Variants in NRK observed in about 807,000 individuals in gnomAD.
NRK encodes nik-related protein kinase.
In NRK, 67 loss-of-function variants were observed where a neutral mutation model predicts 125.2. The observed-to-expected ratio is 0.54, with a 90% confidence interval of 0.44 to 0.66. The LOEUF is 0.66. Among genes scored for constraint, NRK ranks in the 30% least tolerant of loss-of-function variants. The pLI, the probability that NRK is intolerant of heterozygous loss-of-function variation, is 0.00. For synonymous variants in NRK, 458 were observed against 429.0 expected (o/e 1.07, Z -0.84); for missense variants, 1,224 against 1,192.9 (o/e 1.03, Z -0.38).
chrX:105,936,845 G>A (rs1317444445), intron 21 of NRK, among the ~76,000 whole-genome samples: 4 of 111,176 alleles, frequency 3.6e-5, no homozygotes, highest in Non-Finnish European at 5.7e-5. Context: ...TAGGCATTTG[G>A]CAACGGTAAA....
intron 2 of NRK, among the ~76,000 whole-genome samples, chrX:105,860,941 A>T (rs1032901562): frequency 3.6e-5 from 4 of 110,949 alleles, no homozygotes; most frequent in Non-Finnish European, 5.7e-5. Context: ...ATGACCATTC[A>T]TATACAAGTT....
At chrX:105,930,663 G>A (rs901535347) in intron 19 of NRK, among the ~76,000 whole-genome samples, 1 of 111,022 alleles carries the variant, frequency 9.0e-6, no homozygotes, top group African/African-American at 3.3e-5. Context: ...GTGTCCTTGT[G>A]TTGATATCTG....
chrX:105,857,251 A>G (rs1272439288), intron 2 of NRK, among the ~76,000 whole-genome samples: 1 of 111,735 alleles, frequency 8.9e-6, no homozygotes, highest in Non-Finnish European at 1.9e-5. Context: ...ATGGGCTATC[A>G]GTTAAGAAGC....
intron 2 of NRK, among the ~76,000 whole-genome samples, chrX:105,870,672 A>G (rs1356564760): frequency 9.0e-6 from 1 of 111,631 alleles, no homozygotes. Flanking sequence ...ATTTTGACCT[A>G]TTGTTTCCCT....
chrX:105,928,858 T>A lies in NRK; in HGVS notation c.3312+3827T>A, dbSNP rs113595067. Reference sequence around the variant, plus strand: ...GGTCATAAAGGATACTCAATAATAATGTTGATTTAGAAAAATGTTTTGAGA... The same window carrying A: ...GGTCATAAAGGATACTCAATAATAAAGTTGATTTAGAAAAATGTTTTGAGA... On this transcript the variant is annotated intron_variant, in intron 19 of 28. Transcript: ENST00000243300. 2.3e-3 allele frequency among the ~76,000 whole-genome samples: 253 copies of A among 112,089 alleles called. 1 individual carries two copies. The highest frequency in any genetic ancestry group is 7.8e-3 in the African/African-American group (243 of 30,996).
chrX:105,824,634 AT>A (rs1274060499), intron 1 of NRK, among the ~76,000 whole-genome samples: 25 of 101,308 alleles, frequency 2.5e-4, no homozygotes, highest in Admixed American at 2.4e-3. Context: ...AAAAAAAAAA[AT>A]GTGGGGAAAT....
At chrX:105,830,507 A>T (rs1029025556) in intron 1 of NRK, among the ~76,000 whole-genome samples, 4 of 110,013 alleles carry the variant, frequency 3.6e-5, no homozygotes, top group African/African-American at 1.3e-4. Context: ...CATACTGCTT[A>T]TTCTTTTTTA....
chrX:105,930,401 C>T (rs775913408), intron 19 of NRK, among the ~76,000 whole-genome samples: 2 of 109,584 alleles, frequency 1.8e-5, no homozygotes, highest in Non-Finnish European at 1.9e-5. Context: ...AATTCTTTAT[C>T]TTCAATATTT....
At chrX:105,828,109 C>T (rs2039139156) in intron 1 of NRK, among the ~76,000 whole-genome samples, 2 of 112,083 alleles carry the variant, frequency 1.8e-5, no homozygotes, top group African/African-American at 6.5e-5. Flanking sequence ...TAAGCATAGT[C>T]CTTCTCCTCT....
At position 105,923,480 on chromosome X, in the gene NRK, A is replaced by C; in HGVS notation, c.2973A>C (p.Pro991=). ...ATTATTATGAGGCGCCTAGTTGTCC[A>C]AGGTTGGTTTTTTTGAATTACTTAT... is the stretch of plus-strand genomic sequence containing the variant. ...NNNYYEAPSC[P]RASYGRDGSC... Residue 991 remains proline, a splice_region_variant and synonymous_variant, in exon 18 of 29, where the codon CCA becomes CCC. Transcript: ENST00000243300. The C allele has an allele frequency of 8.9e-7, 1 of 1,117,365 alleles. No individual in the cohort carries two copies. Among genetic ancestry groups the C allele is most frequent in the Non-Finnish European group, 1.2e-6 (1 of 845,450 alleles). 92.1% of individuals were successfully genotyped at this position (1,117,365 alleles called of 1,213,427 possible).
intron 2 of NRK, among the ~76,000 whole-genome samples, chrX:105,867,884 G>A (rs2039692508): frequency 1.8e-5 from 2 of 111,495 alleles, no homozygotes; most frequent in African/African-American, 3.3e-5. Flanking sequence ...TTGGTAGACT[G>A]CTGACCTGGA....
At chrX:105,846,676 ATC>A (rs2039406122) in intron 2 of NRK, among the ~76,000 whole-genome samples, 1 of 111,396 alleles carries the variant, frequency 9.0e-6, no homozygotes, top group Non-Finnish European at 1.9e-5. Flanking sequence ...CAACGTCACC[ATC>A]TCTCAGCCCT....
rs1282626474 is a variant in NRK, at chrX:105,920,198, A to G, written c.2513-1766A>G. Among the ~76,000 whole-genome samples, 15 of 104,124 alleles carry G rather than the reference A, an allele frequency of 1.4e-4. No individual in the cohort carries two copies. The Admixed American group carries it at 1.5e-3, about 10-fold the overall frequency. The allele number at this position is 104,124 out of a possible 115,157, so 90.4% of individuals were successfully genotyped here. A position where few individuals can be genotyped will look rare whatever the true frequency, so the allele number is the denominator to read the frequency against. ...TTCTCAGGTTTGTCAAAGATCAGAT[A>G]GTTGTAGACATGCGGCGTTATTTCT... is the stretch of plus-strand genomic sequence containing the variant. On this transcript the variant is annotated intron_variant, in intron 16 of 28. Transcript: ENST00000243300.
intron 23 of NRK, among the ~76,000 whole-genome samples, chrX:105,942,075 A>C (rs1455867518): frequency 8.9e-6 from 1 of 111,978 alleles, no homozygotes; most frequent in East Asian, 2.8e-4. Context: ...TTTACTTAGC[A>C]TAATATTTTC....
chrX:105,951,185 G>T (rs2040892888), intron 27 of NRK, among the ~76,000 whole-genome samples: 2 of 110,974 alleles, frequency 1.8e-5, no homozygotes, highest in South Asian at 7.5e-4. Context: ...AATGACTCAT[G>T]TTCTATCCTT....
At chrX:105,935,976 G>C (rs1269418359) in intron 21 of NRK, among the ~76,000 whole-genome samples, 1 of 109,960 alleles carries the variant, frequency 9.1e-6, no homozygotes, top group Non-Finnish European at 1.9e-5. Context: ...GAAATTTGTA[G>C]AGAAAGTTCC....
At chrX:105,922,885 T>G (rs934640102) in intron 17 of NRK, among the ~76,000 whole-genome samples, 5 of 111,379 alleles carry the variant, frequency 4.5e-5, no homozygotes, top group African/African-American at 1.6e-4. Flanking sequence ...TATGGGTATT[T>G]TTTTTAAGTG....
chrX:105,878,968 G>T (rs1205283475), intron 2 of NRK, among the ~76,000 whole-genome samples: 1 of 111,358 alleles, frequency 9.0e-6, no homozygotes, highest in East Asian at 2.8e-4. Flanking sequence ...TGAGGTGTCT[G>T]TTGGGCCATT....
intron 28 of NRK, 54 bp from the exon 29 acceptor site, chrX:105,955,451 T>A (rs1467611157): frequency 7.7e-6 from 5 of 653,144 alleles, no homozygotes; most frequent in Non-Finnish European, 9.5e-6. Context: ...ATATGAAATA[T>A]CTGGTTGCAA....
Sources: allele counts gnomAD v4.1 joint callset (sites outside exome capture counted in the v4.1 genomes callset), GRCh38; gene constraint gnomAD v4.1.1; transcripts MANE v1.5; gene names NCBI Gene and HGNC (gene_info 2026-07-23, HGNC 2026-07-21).